The following TMEM178B variants were observed in gnomAD, a reference collection of about 807,000 sequenced individuals.
The protein encoded by TMEM178B is transmembrane protein 178B.
In TMEM178B, 5 loss-of-function variants were observed where a neutral mutation model predicts 31.0. That is an observed-to-expected ratio of 0.16 (90% CI 0.08 to 0.34). TMEM178B has a LOEUF of 0.34. Ranked by LOEUF, TMEM178B falls within the 10% of genes least tolerant of loss-of-function variation. The pLI is 1.00. For synonymous variants in TMEM178B, 164 were observed against 164.0 expected (o/e 1.00, Z 0.00); for missense variants, 275 against 400.3 (o/e 0.69, Z 2.67).
chr7:141,421,457 A>G (rs1801208498), intron 2 of TMEM178B, among the ~76,000 whole-genome samples: 1 of 152,136 alleles, frequency 6.6e-6, no homozygotes, highest in South Asian at 2.1e-4. Flanking sequence ...ACAGTTTACA[A>G]AGGGCTTTCA....
intron 1 of TMEM178B, among the ~76,000 whole-genome samples, chr7:141,122,219 A>G (rs1277483517): frequency 1.3e-5 from 2 of 152,220 alleles, no homozygotes; most frequent in Non-Finnish European, 2.9e-5. Context: ...TGAAAAGGAA[A>G]AAAGGAATGG....
intron 1 of TMEM178B, among the ~76,000 whole-genome samples, chr7:141,144,827 C>T (rs1004777646): frequency 6.6e-6 from 1 of 152,104 alleles, no homozygotes; most frequent in African/African-American, 2.4e-5. Flanking sequence ...CCCTGCAAGC[C>T]AGACCCGAGG....
At chr7:141,198,348 C>T (rs1796819329) in intron 1 of TMEM178B, among the ~76,000 whole-genome samples, 1 of 152,224 alleles carries the variant, frequency 6.6e-6, no homozygotes, top group Non-Finnish European at 1.5e-5. Context: ...CCCAAAGCCA[C>T]ACCCAGAGGT....
intron 1 of TMEM178B, among the ~76,000 whole-genome samples, chr7:141,138,163 G>T (rs1052588267): frequency 5.9e-5 from 9 of 151,424 alleles, no homozygotes; most frequent in Non-Finnish European, 1.2e-4. Flanking sequence ...CAGGGTTCAC[G>T]CCATTGTCCT....
At chr7:141,159,908 T>C (rs923891446) in intron 1 of TMEM178B, among the ~76,000 whole-genome samples, 2 of 151,822 alleles carry the variant, frequency 1.3e-5, no homozygotes, top group African/African-American at 2.4e-5. Flanking sequence ...ATGAATGAAC[T>C]GAACACTACC....
chr7:141,217,837 T>A (rs922824490), intron 2 of TMEM178B, among the ~76,000 whole-genome samples: 4 of 151,984 alleles, frequency 2.6e-5, no homozygotes, highest in Non-Finnish European at 5.9e-5. Flanking sequence ...TTGCTCCCAG[T>A]AGATTGCCCC....
intron 2 of TMEM178B, among the ~76,000 whole-genome samples, chr7:141,392,720 A>G (rs1800567412): frequency 6.6e-6 from 1 of 151,998 alleles, no homozygotes; most frequent in African/African-American, 2.4e-5. Context: ...TCTATCCAGT[A>G]GCTAAAAGGG....
downstream of TMEM178B, among the ~76,000 whole-genome samples, chr7:141,481,242 C>T (rs755523072): frequency 2.6e-5 from 4 of 152,182 alleles, no homozygotes; most frequent in Non-Finnish European, 4.4e-5. Context: ...CACATGGGTG[C>T]GCCATCTAAG....
Position 141,412,107 on chromosome 7 carries a change from A to AGAT in TMEM178B, c.497-25500_497-25499insATG, listed in dbSNP as rs1372033107. ...TCCCCAAAGAGCATCTGATTGTGTC[A>AGAT]GCTTGTCTTTGTTCAGTAAGAAGTG... is the stretch of plus-strand genomic sequence containing the variant. On this transcript the variant is annotated intron_variant, in intron 2 of 3. Transcript: ENST00000565468. Among the ~76,000 whole-genome samples the AGAT allele has an allele frequency of 2.4e-4, 36 of 152,274 alleles. No individual in the cohort carries two copies. The South Asian group carries it at 7.0e-3, about 30-fold the overall frequency.
intron 2 of TMEM178B, among the ~76,000 whole-genome samples, chr7:141,291,908 G>A (rs1045972597): frequency 1.4e-5 from 2 of 146,144 alleles, no homozygotes; most frequent in Admixed American, 7.0e-5. Context: ...CCTTGGTTTT[G>A]TGTATGTCAT....
At chr7:141,417,923 G>A (rs1563177197) in intron 2 of TMEM178B, among the ~76,000 whole-genome samples, 1 of 152,192 alleles carries the variant, frequency 6.6e-6, no homozygotes, top group Non-Finnish European at 1.5e-5. Context: ...CTAGTAAGAG[G>A]TAGATCCAGA....
intron 1 of TMEM178B, among the ~76,000 whole-genome samples, chr7:141,208,974 C>T (rs906158277): frequency 6.6e-6 from 1 of 152,186 alleles, no homozygotes; most frequent in Non-Finnish European, 1.5e-5. Context: ...GCTGCTAGCT[C>T]GTAAGGCAGC....
intron 2 of TMEM178B, among the ~76,000 whole-genome samples, chr7:141,245,573 T>A (rs906580567): frequency 3.9e-5 from 6 of 152,228 alleles, no homozygotes; most frequent in African/African-American, 1.2e-4. Context: ...TTAGAACTGT[T>A]TTCCTTCTCT....
At chr7:141,241,591 A>T (rs1215910149) in intron 2 of TMEM178B, among the ~76,000 whole-genome samples, 1 of 50,314 alleles carries the variant, frequency 2.0e-5, no homozygotes, top group African/African-American at 5.2e-5. Flanking sequence ...ACTTCGTCTC[A>T]AAAAAAAAAA....
intron 2 of TMEM178B, among the ~76,000 whole-genome samples, chr7:141,329,431 G>A (rs1563153117): frequency 6.6e-6 from 1 of 152,198 alleles, no homozygotes; most frequent in Non-Finnish European, 1.5e-5. Flanking sequence ...CTGCAAGGCA[G>A]CGTACAGCCT....
rs940736039 is a variant in TMEM178B, at chr7:141,339,311, G to A, written c.497-98297G>A. 5.9e-5 allele frequency among the ~76,000 whole-genome samples: 9 copies of A among 152,138 alleles called. 1 individual carries two copies. Among genetic ancestry groups the A allele is most frequent in the Non-Finnish European group, 2.9e-5 (2 of 68,024 alleles). ...GGGGTAGGGCAGCCACCTCTCGTCC[G>A]CCTCAGTGGACAGGGCCCAGAGAAT... On this transcript the variant is annotated intron_variant, in intron 2 of 3. Transcript: ENST00000565468.
intron 1 of TMEM178B, among the ~76,000 whole-genome samples, chr7:141,106,391 G>T (rs1795147108): frequency 6.6e-6 from 1 of 152,194 alleles, no homozygotes; most frequent in Non-Finnish European, 1.5e-5. Flanking sequence ...ATATATTACA[G>T]AGAGGAACAT....
intron 2 of TMEM178B, among the ~76,000 whole-genome samples, chr7:141,329,164 G>A (rs1799250675): frequency 6.6e-6 from 1 of 152,110 alleles, no homozygotes. Context: ...CTTCCCTCCA[G>A]CGTCCAACCT....
chr7:141,423,281 G>A (rs931643904), intron 2 of TMEM178B, among the ~76,000 whole-genome samples: 4 of 152,106 alleles, frequency 2.6e-5, no homozygotes, highest in Admixed American at 6.5e-5. Context: ...GGCCTGCCTC[G>A]GCCTCCCAAA....
Sources: gnomAD v4.1 joint callset for allele counts (sites outside exome capture counted in the v4.1 genomes callset) on GRCh38, gnomAD v4.1.1 for gene constraint, MANE v1.5 for transcripts, NCBI Gene and HGNC (gene_info 2026-07-23, HGNC 2026-07-21) for gene names.